The following PCDH10 variants were observed in gnomAD, a reference collection of about 807,000 sequenced individuals.
PCDH10 encodes protocadherin 10.
PCDH10 carries 15 observed loss-of-function variants against 74.4 expected under a neutral mutation model. That is an observed-to-expected ratio of 0.20 (90% CI 0.13 to 0.31). The LOEUF (loss-of-function observed/expected upper bound fraction) is 0.31, where lower values mean the gene tolerates loss of function less well. Among genes scored for constraint, PCDH10 ranks in the 10% least tolerant of loss-of-function variants. PCDH10 has a pLI of 1.00. For missense variants in PCDH10, 1,260 were observed against 1,390.2 expected, an observed-to-expected ratio of 0.91 and a Z score of 1.49; for synonymous variants, 619 against 589.8, an observed-to-expected ratio of 1.05 and a Z score of -0.72.
At chr4:133,163,822 A>G (rs1578564222) in intron 4 of PCDH10, 1 of 398,306 alleles carries the variant, frequency 2.5e-6, no homozygotes, top group Non-Finnish European at 4.8e-6. Context: ...GACAGATTGT[A>G]GATATGTCAT....
At chr4:133,162,949 A>G (rs1239294587) in intron 3 of PCDH10, 28 bp from the exon 4 acceptor site, 5 of 1,572,424 alleles carry the variant, frequency 3.2e-6, no homozygotes, top group Middle Eastern at 1.7e-4. Flanking sequence ...TGAAGACTAC[A>G]TCCGTAGTTT....
At chr4:133,161,100 C>A (rs2125862413) in intron 3 of PCDH10, among the ~76,000 whole-genome samples, 1 of 152,080 alleles carries the variant, frequency 6.6e-6, no homozygotes, top group Admixed American at 6.5e-5. Context: ...TCTAGTGAAA[C>A]ATTTACATGT....
chr4:133,187,122 A>G (rs950321821), intron 4 of PCDH10, among the ~76,000 whole-genome samples: 2 of 152,154 alleles, frequency 1.3e-5, no homozygotes, highest in African/African-American at 4.8e-5. Flanking sequence ...CTAGGTTGGC[A>G]GGATTTTTGG....
intron 3 of PCDH10, among the ~76,000 whole-genome samples, chr4:133,156,821 T>C (rs1726875990): frequency 6.6e-6 from 1 of 152,154 alleles, no homozygotes; most frequent in Admixed American, 6.5e-5. Flanking sequence ...GAGAAATGAA[T>C]AAACATCTGC....
chr4:133,156,124 C>T (rs905539258), intron 3 of PCDH10, among the ~76,000 whole-genome samples: 11 of 152,112 alleles, frequency 7.2e-5, no homozygotes, highest in African/African-American at 2.2e-4. Flanking sequence ...TATTAGTCCT[C>T]GAGAGCACCC....
intron 3 of PCDH10, among the ~76,000 whole-genome samples, chr4:133,159,227 T>C (rs533937492): frequency 1.0e-3 from 158 of 152,136 alleles, no homozygotes; most frequent in Middle Eastern, 3.4e-3. Context: ...TAGCACAAAT[T>C]GAATTCTAAA....
intron 4 of PCDH10, among the ~76,000 whole-genome samples, chr4:133,186,701 A>C (rs1727547190): frequency 6.6e-6 from 1 of 152,062 alleles, no homozygotes; most frequent in South Asian, 2.1e-4. Context: ...TAGGCCATAC[A>C]ACCCTAAAAG....
intron 4 of PCDH10, among the ~76,000 whole-genome samples, chr4:133,186,415 G>T (rs948337183): frequency 6.6e-6 from 1 of 152,058 alleles, no homozygotes; most frequent in Non-Finnish European, 1.5e-5. Context: ...ACATGCTGAT[G>T]CATCACAAGA....
At chr4:133,207,914 C>G (rs1728039570) in intron 2 of PCDH10, among the ~76,000 whole-genome samples, 1 of 152,046 alleles carries the variant, frequency 6.6e-6, no homozygotes, top group Non-Finnish European at 1.5e-5. Context: ...TGAGTAATAC[C>G]TCTCCCCTGA....
At chr4:133,161,968 T>C (rs1726979435) in intron 3 of PCDH10, among the ~76,000 whole-genome samples, 1 of 152,168 alleles carries the variant, frequency 6.6e-6, no homozygotes, top group Non-Finnish European at 1.5e-5. Flanking sequence ...ATATCAGCAT[T>C]AATATCAAAT....
At chr4:133,177,972 G>A (rs1007356267) in intron 4 of PCDH10, among the ~76,000 whole-genome samples, 4 of 152,086 alleles carry the variant, frequency 2.6e-5, no homozygotes, top group Non-Finnish European at 5.9e-5. Context: ...GATTTTTAAT[G>A]GATAGAGACC....
intron 4 of PCDH10, among the ~76,000 whole-genome samples, chr4:133,173,073 A>C (rs1560711010): frequency 6.6e-6 from 1 of 152,012 alleles, no homozygotes; most frequent in Admixed American, 6.6e-5. Context: ...AATACCATCT[A>C]ATAGCAAAAG....
chr4:133,207,894 T>C (rs958932380), intron 2 of PCDH10, among the ~76,000 whole-genome samples: 1 of 152,160 alleles, frequency 6.6e-6, no homozygotes, highest in Non-Finnish European at 1.5e-5. Context: ...CATCCTAACA[T>C]TGACAGCCTT....
In PCDH10 at chr4:133,194,467, T is replaced by C. The variant is rs1727750538; in HGVS notation, c.*4307T>C. The stretch of plus-strand genomic sequence containing the variant: ...ATCTGTGAGTGAAAACAGGGTATTA[T>C]AACAAAAGATGAGTTTCAATCTTAA... On this transcript the variant is annotated 3_prime_UTR_variant, in exon 5 of 5. Coordinates refer to ENST00000264360, the MANE Select transcript of PCDH10 (RefSeq NM_032961.3). 6.6e-6 allele frequency: 1 copy of C among 151,884 alleles called. No individual in the cohort carries two copies. The highest frequency in any genetic ancestry group is 2.4e-5 in the African/African-American group (1 of 41,442). The allele number at this position is 151,884 out of a possible 1,614,324, so 9.4% of individuals were successfully genotyped here. A position where few individuals can be genotyped will look rare whatever the true frequency, so the allele number is the denominator to read the frequency against.
intron 4 of PCDH10, among the ~76,000 whole-genome samples, chr4:133,185,459 A>C (rs1298933269): frequency 6.6e-6 from 1 of 152,174 alleles, no homozygotes. Context: ...AGACAGAGGA[A>C]GTTAAAAAAA....
chr4:133,179,758 G>A (rs1484396526), intron 4 of PCDH10, among the ~76,000 whole-genome samples: 1 of 151,934 alleles, frequency 6.6e-6, no homozygotes, highest in Non-Finnish European at 1.5e-5. Context: ...TGAATCATTT[G>A]CTCCATTTAA....
At chr4:133,177,734 G>C (rs1727325080) in intron 4 of PCDH10, among the ~76,000 whole-genome samples, 1 of 151,998 alleles carries the variant, frequency 6.6e-6, no homozygotes, top group Admixed American at 6.6e-5. Flanking sequence ...ATATGCTTGT[G>C]AATGCAATTG....
chr4:133,150,968 C>A lies in PCDH10; in HGVS notation c.828C>A (p.Asp276Glu). Residue 276 changes from aspartate (D) to glutamate (E), a missense_variant, in exon 1 of 5, where the codon GAC becomes GAA. Around this residue, in one of 11 missense-constraint regions of PCDH10, gnomAD observed 192 missense variants for 161.2 expected, o/e 1.19. Transcript: ENST00000264360. Reference sequence around the variant, plus strand: ...TCGTGATCCAGCTCAACGCCACCGACCCGGACGAGGGCCAGAACGGTGAGG... The same window carrying A: ...TCGTGATCCAGCTCAACGCCACCGAACCGGACGAGGGCCAGAACGGTGAGG... ...GTLVIQLNAT[D>E]PDEGQNGEVV... The A allele has an allele frequency of 6.2e-7, 1 of 1,613,984 alleles. No individual in the cohort carries two copies. The highest frequency in any genetic ancestry group is 8.5e-7 in the Non-Finnish European group (1 of 1,180,042).
At chr4:133,204,574 T>A (rs778210659) in intron 2 of PCDH10, among the ~76,000 whole-genome samples, 1 of 152,172 alleles carries the variant, frequency 6.6e-6, no homozygotes, top group Non-Finnish European at 1.5e-5. Flanking sequence ...AAGAGCTTCC[T>A]AGACAGGGAA....
Sources: gnomAD v4.1 joint callset for allele counts (sites outside exome capture counted in the v4.1 genomes callset) on GRCh38, gnomAD v4.1.1 for gene constraint, gnomAD v4.1.1 regional missense constraint, MANE v1.5 for transcripts, NCBI Gene and HGNC (gene_info 2026-07-23, HGNC 2026-07-21) for gene names.